Variants in DLG2 observed in about 807,000 individuals in gnomAD.
DLG2 encodes discs large MAGUK scaffold protein 2.
In DLG2, 45 loss-of-function variants were observed where a neutral mutation model predicts 132.5. The observed-to-expected ratio is 0.34, with a 90% CI of 0.27 to 0.44. DLG2 has a LOEUF of 0.44. Ranked by LOEUF, DLG2 falls within the 20% of genes least tolerant of loss-of-function variation. DLG2 has a pLI of 1.00. For missense variants in DLG2, 1,045 were observed against 1,196.9 expected (o/e 0.87, Z 1.87); for synonymous variants, 424 against 419.6 (o/e 1.01, Z -0.13).
At chr11:84,649,485 A>C (rs1328515454) in intron 6 of DLG2, among the ~76,000 whole-genome samples, 1 of 152,224 alleles carries the variant, frequency 6.6e-6, no homozygotes, top group East Asian at 1.9e-4. Context: ...TCATGAATTA[A>C]ACAAAGAAAC....
At chr11:84,056,541 T>C (rs561034016) in intron 11 of DLG2, among the ~76,000 whole-genome samples, 3 of 152,290 alleles carry the variant, frequency 2.0e-5, no homozygotes, top group African/African-American at 7.2e-5. Flanking sequence ...CGACATCTCA[T>C]TTATCTTCAC....
At chr11:84,676,943 T>G (rs1441314967) in intron 6 of DLG2, among the ~76,000 whole-genome samples, 1 of 151,902 alleles carries the variant, frequency 6.6e-6, no homozygotes, top group Admixed American at 6.6e-5. Context: ...GAAAAGGGCC[T>G]TTTCAAAAGC....
intron 3 of DLG2, among the ~76,000 whole-genome samples, chr11:85,411,834 T>A (rs1015727042): frequency 6.6e-6 from 1 of 151,838 alleles, no homozygotes; most frequent in Non-Finnish European, 1.5e-5. Context: ...ACAAGAAATA[T>A]AACCAATTTG....
intron 7 of DLG2, among the ~76,000 whole-genome samples, chr11:84,410,862 G>A (rs767657886): frequency 2.0e-5 from 3 of 152,058 alleles, no homozygotes; most frequent in Non-Finnish European, 4.4e-5. Context: ...TTACAGGCAT[G>A]AGCCACCGCA....
intron 15 of DLG2, among the ~76,000 whole-genome samples, chr11:83,890,609 T>A (rs547653332): frequency 6.6e-6 from 1 of 152,174 alleles, no homozygotes; most frequent in Non-Finnish European, 1.5e-5. Context: ...AAACTGAACA[T>A]TTTCATCTGT....
chr11:83,627,726 C>T (rs977414616), intron 19 of DLG2, among the ~76,000 whole-genome samples: 1 of 152,110 alleles, frequency 6.6e-6, no homozygotes, highest in Non-Finnish European at 1.5e-5. Context: ...TGGGTATATA[C>T]CCAGTAATGG....
chr11:84,096,545 G>A (rs1352955252), intron 10 of DLG2, among the ~76,000 whole-genome samples: 1 of 152,080 alleles, frequency 6.6e-6, no homozygotes, highest in Admixed American at 6.5e-5. Context: ...CAAGCTTAGA[G>A]CCAGAATTTG....
At chr11:84,724,279 A>AT (rs1489295006) in intron 6 of DLG2, among the ~76,000 whole-genome samples, 6 of 152,152 alleles carry the variant, frequency 3.9e-5, no homozygotes, top group African/African-American at 1.2e-4. Context: ...TTCTAAATAC[A>AT]TTTTTATGAA....
chr11:84,797,208 T>C (rs894112300), intron 6 of DLG2, among the ~76,000 whole-genome samples: 2 of 152,296 alleles, frequency 1.3e-5, no homozygotes, highest in East Asian at 3.9e-4. Context: ...TGAGGTAGTC[T>C]TCTTTGGGTT....
In DLG2 at chr11:84,861,709, C is replaced by A. The variant is rs150019994; in HGVS notation, c.357+249952G>T. Among the ~76,000 whole-genome samples, 29 of 144,944 alleles carry A rather than the reference C, an allele frequency of 2.0e-4. No individual in the cohort carries two copies. The East Asian group carries it at 6.1e-3, about 30-fold the overall frequency. ...GGAGAAAATTCTGCAATCAATCCAT[C>A]TGACAAAGGGCTAATATCCAGAATC... On this transcript the variant is annotated intron_variant, in intron 6 of 27. Transcript: ENST00000376104.
intron 6 of DLG2, among the ~76,000 whole-genome samples, chr11:84,823,658 T>C (rs966137002): frequency 3.3e-5 from 5 of 150,470 alleles, no homozygotes; most frequent in African/African-American, 1.2e-4. Flanking sequence ...CCCAGTTATT[T>C]TCTCCATAGC....
chr11:84,112,197 G>T (rs992343747), intron 9 of DLG2, among the ~76,000 whole-genome samples: 1 of 151,066 alleles, frequency 6.6e-6, no homozygotes, highest in Admixed American at 6.6e-5. Flanking sequence ...ACGGGGTTTC[G>T]CCGTGTTAGC....
intron 6 of DLG2, among the ~76,000 whole-genome samples, chr11:84,751,456 G>T (rs376016133): frequency 7.2e-5 from 11 of 152,112 alleles, no homozygotes; most frequent in African/African-American, 2.7e-4. Context: ...GAGTGCAAAG[G>T]CCAGGTACAA....
intron 6 of DLG2, among the ~76,000 whole-genome samples, chr11:85,038,233 G>A (rs549481944): frequency 6.6e-6 from 1 of 152,076 alleles, no homozygotes; most frequent in Non-Finnish European, 1.5e-5. Flanking sequence ...CACTCAGAAA[G>A]CTACAGATAT....
chr11:85,282,617 G>T (rs2078302566), intron 4 of DLG2, among the ~76,000 whole-genome samples: 1 of 151,690 alleles, frequency 6.6e-6, no homozygotes, highest in Non-Finnish European at 1.5e-5. Context: ...GAGTGAAAGG[G>T]GAGTCCACAA....
intron 6 of DLG2, among the ~76,000 whole-genome samples, chr11:84,907,356 A>G (rs1466630902): frequency 6.6e-6 from 1 of 152,204 alleles, no homozygotes; most frequent in Non-Finnish European, 1.5e-5. Flanking sequence ...GGTTTTGTTT[A>G]CTATTTTAAT....
intron 6 of DLG2, among the ~76,000 whole-genome samples, chr11:84,580,311 T>C (rs140376924): frequency 6.6e-6 from 1 of 152,358 alleles, no homozygotes; most frequent in African/African-American, 2.4e-5. Context: ...GCCTGGCCTG[T>C]AAAATTTGCA....
chr11:83,667,968 T>C (rs1592093688), intron 18 of DLG2, among the ~76,000 whole-genome samples: 1 of 63,780 alleles, frequency 1.6e-5, no homozygotes, highest in African/African-American at 7.0e-5. Flanking sequence ...AGAGTGAGAC[T>C]CCGTCTCAAA....
At chr11:84,060,790 GC>G (rs2096579429) in intron 10 of DLG2, among the ~76,000 whole-genome samples, 1 of 151,948 alleles carries the variant, frequency 6.6e-6, no homozygotes, top group African/African-American at 2.4e-5. Context: ...AAAATGAGGG[GC>G]CTCCTTTGCT....
Sources: allele counts gnomAD v4.1 joint callset (sites outside exome capture counted in the v4.1 genomes callset), GRCh38; gene constraint gnomAD v4.1.1; transcripts MANE v1.5; gene names NCBI Gene and HGNC (gene_info 2026-07-23, HGNC 2026-07-21).